Variants in AOPEP observed in about 807,000 individuals in gnomAD.
The protein encoded by AOPEP is aminopeptidase O.
Under a neutral mutation model 98.1 loss-of-function variants are expected in AOPEP, and 77 were observed. The ratio of observed to expected loss-of-function variants is 0.78; its 90% CI spans 0.65 to 0.95. The LOEUF is 0.95. AOPEP is among the 40% of genes least tolerant of loss of function. The probability of loss-of-function intolerance (pLI) is 0.00; values close to 1 mark genes in which losing one functional copy is unlikely to be tolerated. For missense variants in AOPEP, 1,024 were observed against 1,024.7 expected, an observed-to-expected ratio of 1.00 and a Z score of 0.01; for synonymous variants, 346 against 365.3, an observed-to-expected ratio of 0.95 and a Z score of 0.60.
the AOPEP span, among the ~76,000 whole-genome samples, chr9:95,146,316 G>A: frequency 6.6e-6 from 1 of 151,346 alleles, no homozygotes; most frequent in Admixed American, 6.6e-5. Context: ...GTGAAATGCC[G>A]TCTCTACCGA....
intron 9 of AOPEP, among the ~76,000 whole-genome samples, chr9:94,958,894 T>A (rs1482415985): frequency 6.6e-6 from 1 of 152,196 alleles, no homozygotes; most frequent in Non-Finnish European, 1.5e-5. Flanking sequence ...GTCCAATGTA[T>A]CTATTTTCTC....
At chr9:94,740,447 A>C (rs1832804206) in intron 1 of AOPEP, among the ~76,000 whole-genome samples, 1 of 152,244 alleles carries the variant, frequency 6.6e-6, no homozygotes, top group African/African-American at 2.4e-5. Context: ...ATGTCAAAAC[A>C]TCATAAAATA....
At chr9:94,998,348 G>A (rs10993448) in intron 11 of AOPEP, among the ~76,000 whole-genome samples, 5,498 of 151,984 alleles carry the variant, frequency 0.036, 216 homozygotes, top group East Asian at 0.11. Context: ...TGTGAGGAAC[G>A]AGCAGAACAG....
chr9:94,776,105 A>T (rs187614048), intron 3 of AOPEP, among the ~76,000 whole-genome samples: 11 of 152,096 alleles, frequency 7.2e-5, no homozygotes, highest in Non-Finnish European at 1.3e-4. Context: ...TCTTACCTCT[A>T]TTTCCCAGAC....
At chr9:94,979,306 C>A in intron 10 of AOPEP, 61 bp from the exon 11 acceptor site, 1 of 1,084,726 alleles carries the variant, frequency 9.2e-7, no homozygotes, top group South Asian at 1.3e-5. Flanking sequence ...GAGAACCAGT[C>A]TGTGTAATAA....
At chr9:94,955,121 A>T in intron 7 of AOPEP, 56 bp from the exon 8 acceptor site, 1 of 954,536 alleles carries the variant, frequency 1.0e-6, no homozygotes, top group Non-Finnish European at 1.7e-6. Context: ...TGCTATTATG[A>T]CCTAATTACT....
intron 14 of AOPEP, among the ~76,000 whole-genome samples, chr9:95,075,472 A>G (rs1035379079): frequency 2.0e-5 from 3 of 152,216 alleles, no homozygotes; most frequent in African/African-American, 4.8e-5. Context: ...AAGATGAGCT[A>G]ATTTTCCTAG....
intron 9 of AOPEP, among the ~76,000 whole-genome samples, chr9:94,959,404 A>G (rs540113513): frequency 2.0e-5 from 3 of 152,288 alleles, no homozygotes; most frequent in South Asian, 4.1e-4. Context: ...CAGTTGTCCC[A>G]TAAACCATTT....
intron 3 of AOPEP, among the ~76,000 whole-genome samples, chr9:94,775,250 CT>C (rs915827788): frequency 3.4e-5 from 5 of 148,260 alleles, no homozygotes; most frequent in Admixed American, 2.0e-4. Context: ...TAAACATTGT[CT>C]TTTTTTTTCA....
In AOPEP at chr9:95,034,612, C is replaced by T. The variant is rs78670531; in HGVS notation, c.2116-26082C>T. On this transcript the variant is annotated intron_variant, in intron 13 of 16. Transcript: ENST00000375315. ...TTTCCCTTGAATCACACACAGTGGCCTGCGAGGCCTCATTTTGGCTCATCA... is the reference window on the plus strand; with the variant it reads ...TTTCCCTTGAATCACACACAGTGGCTTGCGAGGCCTCATTTTGGCTCATCA... 6.9e-3 allele frequency among the ~76,000 whole-genome samples: 1,052 copies of T among 152,330 alleles called. 10 individuals are homozygous for T. Among genetic ancestry groups the T allele is most frequent in the African/African-American group, 0.024 (999 of 41,566 alleles).
chr9:95,066,497 A>T (rs1488853986), intron 14 of AOPEP, among the ~76,000 whole-genome samples: 1 of 152,222 alleles, frequency 6.6e-6, no homozygotes, highest in Non-Finnish European at 1.5e-5. Context: ...TTAAATGGTC[A>T]GCTTAGCATT....
At chr9:94,787,058 G>A (rs1844590221) in intron 3 of AOPEP, among the ~76,000 whole-genome samples, 1 of 152,232 alleles carries the variant, frequency 6.6e-6, no homozygotes, top group Admixed American at 6.5e-5. Flanking sequence ...GTATGAATTT[G>A]TGTGATATTT....
intron 10 of AOPEP, among the ~76,000 whole-genome samples, chr9:94,971,541 A>C (rs962005503): frequency 3.3e-5 from 5 of 152,104 alleles, no homozygotes; most frequent in Non-Finnish European, 7.4e-5. Flanking sequence ...GGAGCCTCTA[A>C]TCTTTGGCCT....
chr9:95,099,261 A>AGAGT, the AOPEP span: 2 of 219,840 alleles, frequency 9.1e-6, no homozygotes, highest in Non-Finnish European at 1.8e-5. Context: ...ACTATCAGGG[A>AGAGT]GAGTCTACAA....
chr9:94,947,705 G>C (rs1474983405), intron 7 of AOPEP, among the ~76,000 whole-genome samples: 2 of 152,138 alleles, frequency 1.3e-5, no homozygotes, highest in Non-Finnish European at 2.9e-5. Context: ...ATCCCAAAAT[G>C]GCCTTGTGAG....
In AOPEP at chr9:94,849,938, G is replaced by C. The variant is rs139767014; in HGVS notation, c.1364+48936G>C. 6.6e-3 allele frequency among the ~76,000 whole-genome samples: 1,008 copies of C among 152,044 alleles called. 8 individuals are homozygous for C. The highest frequency in any genetic ancestry group is 0.023 in the African/African-American group (971 of 41,472). ...TAATCCCAGCTACTTGGGAGGCTGAGGCAGGAGAGTCGCTTGAACCCGGGA... is the reference window on the plus strand; with the variant it reads ...TAATCCCAGCTACTTGGGAGGCTGACGCAGGAGAGTCGCTTGAACCCGGGA... On this transcript the variant is annotated intron_variant, in intron 5 of 16. Transcript: ENST00000375315.
At chr9:94,875,824 C>T (rs546146181) in intron 5 of AOPEP, among the ~76,000 whole-genome samples, 2 of 152,274 alleles carry the variant, frequency 1.3e-5, no homozygotes, top group East Asian at 3.9e-4. Flanking sequence ...GTAAATGACT[C>T]CTTTGTTCTG....
intron 5 of AOPEP, among the ~76,000 whole-genome samples, chr9:94,895,757 A>G (rs2049465386): frequency 1.3e-5 from 2 of 152,074 alleles, no homozygotes; most frequent in African/African-American, 2.4e-5. Context: ...GGGTCTCACT[A>G]TGTTTGAGAG....
At chr9:95,019,999 A>G (rs574221625) in intron 13 of AOPEP, 1 of 152,412 alleles carries the variant, frequency 6.6e-6, no homozygotes, top group South Asian at 2.1e-4. Context: ...TCAGTTGAGC[A>G]CTTTGTTTGG....
Sources: gnomAD v4.1 joint callset for allele counts (sites outside exome capture counted in the v4.1 genomes callset) on GRCh38, gnomAD v4.1.1 for gene constraint, MANE v1.5 for transcripts, NCBI Gene and HGNC (gene_info 2026-07-23, HGNC 2026-07-21) for gene names.